PPFIA3: variants seen among roughly 807,000 people sequenced by gnomAD.
PPFIA3 encodes the protein liprin-alpha-3.
PPFIA3 carries 26 observed loss-of-function variants against 145.8 expected under a neutral mutation model. The observed-to-expected ratio is 0.18, with a 90% confidence interval of 0.13 to 0.25. The LOEUF (loss-of-function observed/expected upper bound fraction) is 0.25. Ranked by LOEUF, PPFIA3 falls within the 10% of genes least tolerant of loss-of-function variation. PPFIA3 has a pLI of 1.00. For synonymous variants in PPFIA3, 645 were observed against 661.4 expected (o/e 0.98, Z 0.38); for missense variants, 1,008 against 1,587.8 (o/e 0.63, Z 6.21).
Position 49,133,493 on chromosome 19 carries a change from G to A in PPFIA3, c.1161+122G>A. 1 of 1,258,942 alleles carries A rather than the reference G, an allele frequency of 7.9e-7. No individual in the cohort carries two copies. The highest frequency in any genetic ancestry group is 1.1e-6 in the Non-Finnish European group (1 of 936,764). 78.0% of individuals were successfully genotyped at this position (1,258,942 alleles called of 1,614,324 possible). ...ACCCCGGATTTGGGGGAAAGGGTGGGGCCTAGGGGCTGGGAAAGGGACAGG... is the reference window on the plus strand; with the variant it reads ...ACCCCGGATTTGGGGGAAAGGGTGGAGCCTAGGGGCTGGGAAAGGGACAGG... On this transcript the variant is annotated intron_variant, in intron 9 of 29. Transcript: ENST00000334186. This position sits in a 1 kb window ranked among gnomAD's most constrained non-coding sequence, Gnocchi z 7.2.
rs2122554592 is a variant in PPFIA3 at position 49,130,106 on chromosome 19, A to G, written c.657+39A>G. On this transcript the variant is annotated intron_variant, in intron 6 of 29. Coordinates refer to ENST00000334186, the MANE Select transcript of PPFIA3 (RefSeq NM_003660.4). The surrounding 1 kb of genome is among the most constrained non-coding windows in gnomAD (Gnocchi z 4.5). ...GTCCCCTCTCCGTGAGCTCCATTCAACTCCCTGACTTTGTGATAGTGTTTG... is the reference window on the plus strand; with the variant it reads ...GTCCCCTCTCCGTGAGCTCCATTCAGCTCCCTGACTTTGTGATAGTGTTTG... The G allele has an allele frequency of 6.4e-7, 1 of 1,574,138 alleles. No individual in the cohort carries two copies. Among genetic ancestry groups the G allele is most frequent in the Non-Finnish European group, 8.7e-7 (1 of 1,154,248 alleles).
intron 23 of PPFIA3, among the ~76,000 whole-genome samples, chr19:49,147,037 G>T (rs1387732567): frequency 1.3e-5 from 2 of 152,198 alleles, no homozygotes; most frequent in African/African-American, 4.8e-5. Flanking sequence ...TTCCAGCCAG[G>T]GGGAGGCGTG....
intron 18 of PPFIA3, 135 bp downstream of exon 18, chr19:49,140,223 G>A (rs2041201795): frequency 8.3e-7 from 1 of 1,209,670 alleles, no homozygotes; most frequent in Non-Finnish European, 1.1e-6. Flanking sequence ...AATTTGGAAG[G>A]AACACAGCTT....
chr19:49,135,043 G>C, intron 13 of PPFIA3, 128 bp downstream of exon 13: 1 of 729,246 alleles, frequency 1.4e-6, no homozygotes, highest in East Asian at 2.8e-5. Context: ...TTTTTTGTTT[G>C]TTTGTTTGTT....
rs1425070308 is a variant in PPFIA3, at chr19:49,130,937, C to T, written c.879+338C>T. On this transcript the variant is annotated intron_variant, in intron 7 of 29. Transcript: ENST00000334186. This position sits in a 1 kb window ranked among gnomAD's most constrained non-coding sequence, Gnocchi z 4.5. ...AGTGCAGTGGCGTGATCTTGGCTTA[C>T]TGCCACCTCTGCCTCCCGGGTTCAA... Among the ~76,000 whole-genome samples the T allele has an allele frequency of 1.3e-5, 2 of 151,686 alleles. No individual in the cohort carries two copies. The highest frequency in any genetic ancestry group is 1.9e-4 in the East Asian group (1 of 5,176).
chr19:49,140,304 A>T (rs1003647142), intron 18 of PPFIA3, among the ~76,000 whole-genome samples: 2 of 152,086 alleles, frequency 1.3e-5, no homozygotes, highest in Non-Finnish European at 2.9e-5. Flanking sequence ...CTGGGTAGGT[A>T]AAGGAATTTA....
chr19:49,132,333 G>A (rs2041083579), intron 7 of PPFIA3, among the ~76,000 whole-genome samples: 1 of 133,544 alleles, frequency 7.5e-6, no homozygotes, highest in Non-Finnish European at 1.5e-5. Flanking sequence ...AGGTTGCAGT[G>A]AGCCGAGATC....
chr19:49,148,019 C>T (rs920726395), intron 23 of PPFIA3, 64 bp from the exon 24 acceptor site: 18 of 1,508,552 alleles, frequency 1.2e-5, no homozygotes, highest in Non-Finnish European at 1.3e-5. Context: ...GACTGTACCC[C>T]TCTCATGCAC....
In PPFIA3 at chr19:49,149,242, A is replaced by G. The variant is rs751390421; in HGVS notation, c.3286-15A>G. ...ACTGCACGCTCCAACCGCCCCCTCC[A>G]CCTCCTCTTTCCAGGCCCGGCAGCT... On this transcript the variant is annotated splice_polypyrimidine_tract_variant and intron_variant, in intron 26 of 29. Transcript: ENST00000334186. This position sits in a 1 kb window ranked among gnomAD's most constrained non-coding sequence, Gnocchi z 5.7. The G allele has an allele frequency of 1.7e-5, 28 of 1,613,762 alleles. No homozygotes were observed. Among genetic ancestry groups the G allele is most frequent in the Non-Finnish European group, 2.4e-5 (28 of 1,179,968 alleles).
chr19:49,141,163 C>T (rs948585805), intron 18 of PPFIA3, among the ~76,000 whole-genome samples: 3 of 152,128 alleles, frequency 2.0e-5, no homozygotes, highest in Non-Finnish European at 2.9e-5. Context: ...CCTTCTGCCT[C>T]CCCAAGGAGC....
intron 1 of PPFIA3, among the ~76,000 whole-genome samples, chr19:49,125,910 C>T (rs1457837004): frequency 2.0e-5 from 3 of 150,522 alleles, no homozygotes; most frequent in Non-Finnish European, 4.4e-5. Flanking sequence ...AAGCATGGTC[C>T]TGGCCATACT....
intron 23 of PPFIA3, among the ~76,000 whole-genome samples, chr19:49,146,613 G>A (rs2041284067): frequency 6.6e-6 from 1 of 152,124 alleles, no homozygotes; most frequent in Non-Finnish European, 1.5e-5. Context: ...AGTTGGGGAG[G>A]AGGAGCTACA....
chr19:49,143,682 A>G (rs761595255), intron 21 of PPFIA3, among the ~76,000 whole-genome samples: 4 of 152,046 alleles, frequency 2.6e-5, no homozygotes, highest in Non-Finnish European at 5.9e-5. Flanking sequence ...CCTCGTTCCA[A>G]CTTTTGATTA....
rs1427026870 is a variant in PPFIA3 at position 49,130,933 on chromosome 19, C to G, written c.879+334C>G. On this transcript the variant is annotated intron_variant, in intron 7 of 29. Coordinates refer to ENST00000334186, the MANE Select transcript of PPFIA3 (RefSeq NM_003660.4). The surrounding 1 kb of genome is among the most constrained non-coding windows in gnomAD (Gnocchi z 4.5). ...CTGGAGTGCAGTGGCGTGATCTTGG[C>G]TTACTGCCACCTCTGCCTCCCGGGT... Among the ~76,000 whole-genome samples the G allele has an allele frequency of 6.6e-6, 1 of 151,738 alleles. No individual in the cohort carries two copies. Among genetic ancestry groups the G allele is most frequent in the Non-Finnish European group, 1.5e-5 (1 of 67,956 alleles).
chr19:49,127,713 C>A, intron 1 of PPFIA3, 146 bp from the exon 2 acceptor site: 1 of 933,014 alleles, frequency 1.1e-6, no homozygotes, highest in Non-Finnish European at 1.5e-6. Flanking sequence ...GTGTCATGAT[C>A]ACAGTGCCTG....
chr19:49,142,130 A>C lies in PPFIA3; in HGVS notation c.2544+15A>C. ...CCTGGCTGGAGGTACTGGGGCCCAG[A>C]AATGCCCTGACTGTTGGTCCCCAAC... On this transcript the variant is annotated intron_variant, in intron 20 of 29. Transcript: ENST00000334186. 6.4e-7 allele frequency: 1 copy of C among 1,559,644 alleles called. No individual in the cohort carries two copies. Among genetic ancestry groups the C allele is most frequent in the Non-Finnish European group, 8.7e-7 (1 of 1,150,930 alleles).
chr19:49,123,687 C>CG (rs1479173307), intron 1 of PPFIA3, among the ~76,000 whole-genome samples: 1 of 152,024 alleles, frequency 6.6e-6, no homozygotes, highest in Non-Finnish European at 1.5e-5. Flanking sequence ...AATGATCCCC[C>CG]GGGCTCAGCC....
At chr19:49,148,314 T>C (rs923477385) in intron 24 of PPFIA3, 56 bp downstream of exon 24, 2 of 1,553,338 alleles carry the variant, frequency 1.3e-6, no homozygotes, top group Non-Finnish European at 1.7e-6. Flanking sequence ...CCCCAGAGAG[T>C]CTTTGGCCAA....
chr19:49,121,939 C>T (rs1356598426), intron 1 of PPFIA3, among the ~76,000 whole-genome samples: 2 of 151,804 alleles, frequency 1.3e-5, no homozygotes, highest in Non-Finnish European at 2.9e-5. Flanking sequence ...CCTGGCCGGG[C>T]CACATTTCTT....
Sources: gnomAD v4.1 joint callset for allele counts (sites outside exome capture counted in the v4.1 genomes callset) on GRCh38, gnomAD v4.1.1 for gene constraint, Gnocchi (gnomAD v3.1) non-coding constraint, MANE v1.5 for transcripts, NCBI Gene and HGNC (gene_info 2026-07-23, HGNC 2026-07-21) for gene names.